Variants in MCPH1 observed in about 807,000 individuals in gnomAD.
The protein encoded by MCPH1 is microcephalin 1, also known as microcephalin.
MCPH1 carries 104 observed loss-of-function variants against 84.5 expected under a neutral mutation model. The ratio of observed to expected loss-of-function variants is 1.23; its 90% CI spans 1.05 to 1.45. The LOEUF (loss-of-function observed/expected upper bound fraction) is 1.45, where lower values mean the gene tolerates loss of function less well. MCPH1 is among the 40% of genes most tolerant of loss of function. The pLI is 0.00. For missense variants in MCPH1, 1,498 were observed against 1,005.7 expected (o/e 1.49, Z -6.62); for synonymous variants, 514 against 366.8 (o/e 1.40, Z -4.58).
At chr8:6,500,256 A>G in intron 12 of MCPH1, 2 of 333,074 alleles carry the variant, frequency 6.0e-6, no homozygotes, top group Non-Finnish European at 1.2e-5. Flanking sequence ...TTTACTGTTA[A>G]TAGAAATAGA....
At chr8:6,428,761 A>G (rs936471275) in intron 3 of MCPH1, among the ~76,000 whole-genome samples, 30 of 152,244 alleles carry the variant, frequency 2.0e-4, no homozygotes, top group Non-Finnish European at 3.4e-4. Context: ...ACACACACAC[A>G]CACACACAGA....
At chr8:6,502,955 C>T (rs80324828) in intron 12 of MCPH1, 3 of 878,260 alleles carry the variant, frequency 3.4e-6, no homozygotes, top group Non-Finnish European at 5.2e-6. Context: ...TTTACAGGCT[C>T]TAATCTGGAG....
At position 6,639,674 on chromosome 8, in the gene MCPH1, A is replaced by G. The variant is rs1264070344; in HGVS notation, c.2453-3320A>G. Among the ~76,000 whole-genome samples the G allele has an allele frequency of 1.2e-4, 19 of 152,210 alleles. No homozygotes were observed. In the East Asian group the frequency reaches 1.4e-3, roughly 11 times the overall value. On this transcript the variant is annotated intron_variant, in intron 13 of 13. Transcript: ENST00000344683. ...CAAGATCCTGTCTCTTTAAAAAAAA[A>G]AAAAAACATATTTACATAGAAATAA...
intron 7 of MCPH1, among the ~76,000 whole-genome samples, chr8:6,443,858 A>G (rs2916751): frequency 0.015 from 2,252 of 152,304 alleles, 54 homozygotes; most frequent in African/African-American, 0.051. Flanking sequence ...GCTTAGCATT[A>G]CTCTCAGGAA....
At chr8:6,526,616 C>T (rs896535571) in intron 12 of MCPH1, among the ~76,000 whole-genome samples, 1 of 152,048 alleles carries the variant, frequency 6.6e-6, no homozygotes, top group Admixed American at 6.5e-5. Context: ...ACTTGGTATC[C>T]AAAGGACAGA....
chr8:6,513,731 C>A (rs1175538487), intron 12 of MCPH1: 3 of 1,613,888 alleles, frequency 1.9e-6, no homozygotes, highest in Non-Finnish European at 2.5e-6. Flanking sequence ...ATGAGTAAGC[C>A]TCATTCCCTT....
intron 11 of MCPH1, among the ~76,000 whole-genome samples, chr8:6,492,240 T>C (rs1810693500): frequency 6.6e-6 from 1 of 152,264 alleles, no homozygotes; most frequent in African/African-American, 2.4e-5. Context: ...ATGATGCGCA[T>C]GTTTTCATGT....
chr8:6,495,886 T>C (rs1811168613), intron 11 of MCPH1, among the ~76,000 whole-genome samples: 1 of 152,210 alleles, frequency 6.6e-6, no homozygotes. Flanking sequence ...TGGGACAAGT[T>C]TCTAACTATC....
chr8:6,526,365 T>G (rs1818339157), intron 12 of MCPH1, among the ~76,000 whole-genome samples: 1 of 150,878 alleles, frequency 6.6e-6, no homozygotes, highest in Admixed American at 6.6e-5. Flanking sequence ...GCCCAGGAGG[T>G]TGAGGATGCA....
chr8:6,528,572 C>T (rs1456732909), intron 12 of MCPH1, among the ~76,000 whole-genome samples: 4 of 152,240 alleles, frequency 2.6e-5, no homozygotes, highest in African/African-American at 7.2e-5. Context: ...GAGTGTGAAG[C>T]GGAGCCTCAG....
At chr8:6,614,502 G>A (rs1013938987) in intron 12 of MCPH1, among the ~76,000 whole-genome samples, 2 of 152,212 alleles carry the variant, frequency 1.3e-5, no homozygotes, top group African/African-American at 4.8e-5. Context: ...CTGCGTGGAG[G>A]CAGGCCCTTT....
intron 5 of MCPH1, 109 bp downstream of exon 5, chr8:6,436,271 T>C (rs1802625775): frequency 1.7e-6 from 2 of 1,198,738 alleles, no homozygotes; most frequent in South Asian, 2.8e-5. Context: ...AAGACTATGA[T>C]AGCTTTACTC....
chr8:6,540,564 G>GTTTTTTAAT, intron 12 of MCPH1, among the ~76,000 whole-genome samples: 1 of 152,226 alleles, frequency 6.6e-6, no homozygotes, highest in Admixed American at 6.5e-5. Context: ...TGGAAGATGA[G>GTTTTTTAAT]GAGCAAATAC....
At chr8:6,434,245 G>C (rs756601601) in intron 4 of MCPH1, among the ~76,000 whole-genome samples, 3 of 152,190 alleles carry the variant, frequency 2.0e-5, no homozygotes, top group African/African-American at 4.8e-5. Flanking sequence ...AACCTGCACC[G>C]TACCTGAGAA....
intron 13 of MCPH1, among the ~76,000 whole-genome samples, chr8:6,634,217 C>A (rs1797374076): frequency 6.6e-6 from 1 of 152,192 alleles, no homozygotes; most frequent in South Asian, 2.1e-4. Context: ...TCCTGATGAA[C>A]TGAAAATTGA....
intron 12 of MCPH1, among the ~76,000 whole-genome samples, chr8:6,563,814 A>T (rs1212500492): frequency 1.3e-5 from 2 of 152,196 alleles, no homozygotes; most frequent in Non-Finnish European, 2.9e-5. Flanking sequence ...AAGATCTGTT[A>T]TTAAGTCACG....
In MCPH1 at chr8:6,427,776, C is replaced by T. The variant is rs118086914; in HGVS notation, c.234-3723C>T. Among the ~76,000 whole-genome samples, 188 of 139,300 alleles carry T rather than the reference C, an allele frequency of 1.3e-3. 3 individuals carry two copies. In the East Asian group the frequency reaches 0.033, roughly 24 times the overall value. The allele number at this position is 139,300 out of a possible 152,430, so 91.4% of individuals were successfully genotyped here. A position where few individuals can be genotyped will look rare whatever the true frequency, so the allele number is the denominator to read the frequency against. On this transcript the variant is annotated intron_variant, in intron 3 of 13. Coordinates refer to ENST00000344683, the MANE Select transcript of MCPH1 (RefSeq NM_024596.5). ...TGTATAATACCTAATACGAGTACTT[C>T]GTAAGTAGTTATTATACTGTTTTTT...
intron 4 of MCPH1, among the ~76,000 whole-genome samples, chr8:6,432,184 A>G (rs1206667790): frequency 6.6e-6 from 1 of 152,236 alleles, no homozygotes; most frequent in African/African-American, 2.4e-5. Context: ...TGCCCAAGCT[A>G]GTCTCAAACT....
At chr8:6,457,512 G>A (rs948118435) in intron 9 of MCPH1, among the ~76,000 whole-genome samples, 2 of 151,656 alleles carry the variant, frequency 1.3e-5, no homozygotes, top group Non-Finnish European at 2.9e-5. Flanking sequence ...GACTGAGGTG[G>A]GAGAATCACC....
Sources: gnomAD v4.1 joint callset for allele counts (sites outside exome capture counted in the v4.1 genomes callset) on GRCh38, gnomAD v4.1.1 for gene constraint, MANE v1.5 for transcripts, NCBI Gene and HGNC (gene_info 2026-07-23, HGNC 2026-07-21) for gene names.